Variants in C10orf67 observed in about 807,000 individuals in gnomAD.
C10orf67 encodes uncharacterized protein C10orf67, mitochondrial.
C10orf67 carries 60 observed loss-of-function variants against 35.6 expected under a neutral mutation model. The ratio of observed to expected loss-of-function variants is 1.68; its 90% CI spans 1.37 to 2.09. The LOEUF (loss-of-function observed/expected upper bound fraction) is 2.09, where lower values mean the gene tolerates loss of function less well. Ranked by LOEUF, C10orf67 falls within the 30% of genes most tolerant of loss-of-function variation. The probability of loss-of-function intolerance (pLI) is 0.00; values close to 1 mark genes in which losing one functional copy is unlikely to be tolerated. For missense variants in C10orf67, 474 were observed against 330.2 expected (o/e 1.44, Z -3.38); for synonymous variants, 167 against 115.8 (o/e 1.44, Z -2.84).
intron 8 of C10orf67, among the ~76,000 whole-genome samples, chr10:23,267,901 C>CAAA (rs1214396418): frequency 7.2e-6 from 1 of 138,820 alleles, no homozygotes; most frequent in Non-Finnish European, 1.6e-5. Flanking sequence ...AACTCAGTCT[C>CAAA]AAAAAAAAGA....
chr10:23,325,549 A>G (rs1845158165), intron 2 of C10orf67, among the ~76,000 whole-genome samples: 3 of 151,224 alleles, frequency 2.0e-5, no homozygotes. Context: ...AAAAAAAACA[A>G]AAAACAAAAA....
intron 10 of C10orf67, among the ~76,000 whole-genome samples, chr10:23,253,066 G>C (rs1201104235): frequency 6.6e-6 from 1 of 151,482 alleles, no homozygotes; most frequent in Non-Finnish European, 1.5e-5. Context: ...GATGTGACTT[G>C]CTCCTCCTTG....
chr10:23,244,558 A>G (rs1006361362), intron 12 of C10orf67, among the ~76,000 whole-genome samples: 6 of 152,192 alleles, frequency 3.9e-5, no homozygotes, highest in Non-Finnish European at 7.3e-5. Context: ...GTATATACCA[A>G]TAAGCTATCC....
chr10:23,317,462 A>G (rs9888000), intron 4 of C10orf67: 58,991 of 151,520 alleles, frequency 0.39, 14,396 homozygotes, highest in East Asian at 0.74. Flanking sequence ...GGTGAGCACC[A>G]CTCCTGCTTG....
intron 4 of C10orf67, among the ~76,000 whole-genome samples, chr10:23,307,903 C>A (rs1279931497): frequency 1.3e-5 from 2 of 152,036 alleles, no homozygotes; most frequent in African/African-American, 2.4e-5. Context: ...ACAGAGCCAC[C>A]GCTCCTGGCC....
At chr10:23,260,365 T>C (rs934463579) in intron 10 of C10orf67, among the ~76,000 whole-genome samples, 5 of 151,722 alleles carry the variant, frequency 3.3e-5, no homozygotes, top group South Asian at 2.1e-4. Context: ...AGAGAATTCA[T>C]TGCCGGCAGA....
At position 23,225,610 on chromosome 10, in the gene C10orf67, G is replaced by A. The variant is rs572028597; in HGVS notation, c.1435-1792C>T. Among the ~76,000 whole-genome samples the A allele has an allele frequency of 2.6e-5, 4 of 152,298 alleles. No homozygotes were observed. The East Asian group carries it at 7.7e-4, about 29-fold the overall frequency. ...AAGAGTCAAGACCCATCAGTGTGCT[G>A]CATTCAGGAGACCTACCTCACGTGC... On this transcript the variant is annotated intron_variant, in intron 13 of 15. Coordinates refer to ENST00000636213, the MANE Select transcript of C10orf67 (RefSeq NM_001371909.1).
chr10:23,232,015 T>C (rs1406883468), intron 13 of C10orf67, among the ~76,000 whole-genome samples: 1 of 151,960 alleles, frequency 6.6e-6, no homozygotes, highest in Non-Finnish European at 1.5e-5. Flanking sequence ...TGAAGAAAAT[T>C]AAGAAAAAAT....
At chr10:23,275,552 T>C (rs1843162737) in intron 8 of C10orf67, among the ~76,000 whole-genome samples, 1 of 152,020 alleles carries the variant, frequency 6.6e-6, no homozygotes, top group African/African-American at 2.4e-5. Flanking sequence ...CTCAGCCTAA[T>C]GCAAGAGATC....
At chr10:23,279,940 C>G (rs972303428) in intron 8 of C10orf67, among the ~76,000 whole-genome samples, 7 of 152,108 alleles carry the variant, frequency 4.6e-5, no homozygotes, top group African/African-American at 1.2e-4. Context: ...TGTCAAACTC[C>G]TAGGCTCAAG....
chr10:23,220,637 G>GCTGCT (rs1841551047), intron 15 of C10orf67, among the ~76,000 whole-genome samples: 1 of 152,186 alleles, frequency 6.6e-6, no homozygotes, highest in Non-Finnish European at 1.5e-5. Context: ...TTTGAATCCA[G>GCTGCT]CTGCTCTACT....
rs1264745695 is a variant in C10orf67, at chr10:23,282,046, C to T, written c.942G>A (p.Glu314=). The part of the protein sequence containing the change: ...LMDSRDRLRE[E]LHYEKSLVQD... ...GAACTAATGATTTTTCATAATGAAG[C>T]TCTTCTCTTAATCTGTCTCTACTAT... Residue 314 remains glutamate, a synonymous_variant, in exon 8 of 16, where the codon GAG becomes GAA. Transcript: ENST00000636213. 3.2e-6 allele frequency: 2 copies of T among 628,932 alleles called. No homozygotes were observed. Among genetic ancestry groups the T allele is most frequent in the Non-Finnish European group, 2.9e-6 (1 of 346,526 alleles). The allele number at this position is 628,932 out of a possible 1,614,324, so 39.0% of individuals were successfully genotyped here.
Position 23,222,396 on chromosome 10 carries a change from A to C in C10orf67, c.1570+1202T>G, listed in dbSNP as rs11013334. Among the ~76,000 whole-genome samples, 1,026 of 152,276 alleles carry C rather than the reference A, an allele frequency of 6.7e-3. 12 individuals carry two copies. The highest frequency in any genetic ancestry group is 0.023 in the African/African-American group (976 of 41,564). On this transcript the variant is annotated intron_variant, in intron 15 of 15. Coordinates refer to ENST00000636213, the MANE Select transcript of C10orf67 (RefSeq NM_001371909.1). ...AAATAAAATTGCAGGCCATAAGTGAATTCATATAGAAGTAGAAAACCAAAT... is the reference window on the plus strand; with the variant it reads ...AAATAAAATTGCAGGCCATAAGTGACTTCATATAGAAGTAGAAAACCAAAT...
intron 2 of C10orf67, among the ~76,000 whole-genome samples, chr10:23,327,790 A>G (rs1263752105): frequency 1.3e-5 from 2 of 151,172 alleles, no homozygotes; most frequent in African/African-American, 4.9e-5. Context: ...GCACCACTGC[A>G]CTCCAGCCTG....
chr10:23,260,340 CACAA>C (rs1395174427), intron 10 of C10orf67, among the ~76,000 whole-genome samples: 1 of 151,742 alleles, frequency 6.6e-6, no homozygotes, highest in Non-Finnish European at 1.5e-5. Context: ...TTTTTCCAGA[CACAA>C]ACAAAAACTA....
intron 1 of C10orf67, among the ~76,000 whole-genome samples, chr10:23,337,083 T>A (rs565382363): frequency 3.3e-4 from 50 of 152,120 alleles, no homozygotes; most frequent in Non-Finnish European, 7.1e-4. Flanking sequence ...AGCATCAGAT[T>A]ATAACCCATT....
intron 1 of C10orf67, among the ~76,000 whole-genome samples, chr10:23,339,358 A>T (rs1371733376): frequency 7.4e-6 from 1 of 135,438 alleles, no homozygotes; most frequent in African/African-American, 2.7e-5. Flanking sequence ...GGTGCCTCTT[A>T]GTGTTTCCGT....
intron 15 of C10orf67, among the ~76,000 whole-genome samples, chr10:23,218,254 C>G (rs1841482224): frequency 6.6e-6 from 1 of 152,140 alleles, no homozygotes. Context: ...GATCTTCCCA[C>G]CTCAGCTTCC....
chr10:23,282,736 CAGG>C (rs1245308806), intron 7 of C10orf67, among the ~76,000 whole-genome samples: 5 of 152,170 alleles, frequency 3.3e-5, no homozygotes, highest in African/African-American at 1.2e-4. Flanking sequence ...GAGGCTGAAG[CAGG>C]AGGATTGCTT....
Sources: allele counts gnomAD v4.1 joint callset (sites outside exome capture counted in the v4.1 genomes callset), GRCh38; gene constraint gnomAD v4.1.1; transcripts MANE v1.5; gene names NCBI Gene and HGNC (gene_info 2026-07-23, HGNC 2026-07-21).